The following SLC4A4 variants were observed in gnomAD, a reference collection of about 807,000 sequenced individuals.
SLC4A4 encodes electrogenic sodium bicarbonate cotransporter 1.
Under a neutral mutation model 111.5 loss-of-function variants are expected in SLC4A4, and 27 were observed. The ratio of observed to expected loss-of-function variants is 0.24; its 90% CI spans 0.18 to 0.33. The LOEUF is 0.33. SLC4A4 is among the 10% of genes least tolerant of loss of function. SLC4A4 has a pLI of 1.00. For missense variants in SLC4A4, 909 were observed against 1,315.5 expected (o/e 0.69, Z 4.78); for synonymous variants, 443 against 463.4 (o/e 0.96, Z 0.57).
chr4:71,450,465 T>C lies in SLC4A4; in HGVS notation c.1130T>C (p.Val377Ala). 1 of 1,613,506 alleles carries C rather than the reference T, an allele frequency of 6.2e-7. No individual in the cohort carries two copies. The highest frequency in any genetic ancestry group is 8.5e-7 in the Non-Finnish European group (1 of 1,179,522). Residue 377 changes from valine to alanine, a missense_variant, in exon 10 of 26, where the codon GTC becomes GCC. Physicochemically the swap from Val to Ala is moderately conservative, Grantham distance 64 (BLOSUM62 0). Coordinates refer to ENST00000264485, the MANE Select transcript of SLC4A4 (RefSeq NM_001098484.3). The part of the protein sequence containing the change: ...IAGIDEFLDE[V>A]IVLPPGEWDP... Reference sequence around the variant, plus strand: ...GGTATTGATGAGTTCCTAGATGAAGTCATCGTCCTTCCACCTGGGGAATGG... The same window carrying C: ...GGTATTGATGAGTTCCTAGATGAAGCCATCGTCCTTCCACCTGGGGAATGG...
intron 2 of SLC4A4, among the ~76,000 whole-genome samples, chr4:71,178,782 G>C (rs4317171): frequency 0.082 from 12,550 of 152,186 alleles, 866 homozygotes; most frequent in Admixed American, 0.23. Flanking sequence ...GGTACAAGGA[G>C]GAGCTGGTAC....
At chr4:71,311,888 TGTGAGAGAGAGAGA>T (rs1250104813) in intron 3 of SLC4A4, among the ~76,000 whole-genome samples, 460 of 31,564 alleles carry the variant, frequency 0.015, 5 homozygotes, top group African/African-American at 0.027. Flanking sequence ...TGTGCAAGGC[TGTGAGAGAGAGAGA>T]GAGAGAGAGA....
rs75009924 is a variant in SLC4A4, at chr4:71,268,220, C to T, written c.253+12821C>T. 1.3e-3 allele frequency among the ~76,000 whole-genome samples: 194 copies of T among 151,550 alleles called. 1 individual carries two copies. In the East Asian group the frequency reaches 0.034, roughly 26 times the overall value. ...TACTCCACTGGCAGCCAAGATAATC[C>T]CTTAAGGATACCAATTCTACAATTT... On this transcript the variant is annotated intron_variant, in intron 3 of 25. Transcript: ENST00000264485.
At chr4:71,214,996 T>C (rs1718339552) in intron 1 of SLC4A4, among the ~76,000 whole-genome samples, 1 of 152,280 alleles carries the variant, frequency 6.6e-6, no homozygotes, top group Non-Finnish European at 1.5e-5. Flanking sequence ...TAGGACTTTT[T>C]GTCTGAATTA....
chr4:71,437,889 C>T (rs190745560), intron 7 of SLC4A4: 2 of 175,302 alleles, frequency 1.1e-5, no homozygotes, highest in East Asian at 1.7e-4. Context: ...CACCTATTCT[C>T]TTGCTGGTGG....
intron 2 of SLC4A4, among the ~76,000 whole-genome samples, chr4:71,238,331 C>T (rs1404338391): frequency 5.9e-5 from 9 of 152,072 alleles, no homozygotes; most frequent in Non-Finnish European, 1.0e-4. Flanking sequence ...CTAAAAAGTG[C>T]GTTTCCTGAA....
At chr4:71,223,819 A>C (rs531251813) in intron 1 of SLC4A4, among the ~76,000 whole-genome samples, 2 of 151,848 alleles carry the variant, frequency 1.3e-5, no homozygotes, top group Non-Finnish European at 2.9e-5. Context: ...CCCAGATCCC[A>C]TTCCCACAGA....
intron 3 of SLC4A4, among the ~76,000 whole-genome samples, chr4:71,326,622 A>G (rs1259766488): frequency 6.6e-6 from 1 of 152,024 alleles, no homozygotes; most frequent in Non-Finnish European, 1.5e-5. Context: ...AGCATTTGTA[A>G]AGTGCCTTAT....
intron 6 of SLC4A4, among the ~76,000 whole-genome samples, chr4:71,385,739 C>T (rs1043333480): frequency 1.3e-5 from 2 of 152,090 alleles, no homozygotes; most frequent in East Asian, 1.9e-4. Flanking sequence ...CTTTCAATAT[C>T]TCAAGGATAC....
At chr4:71,396,117 A>G (rs1014133628) in intron 6 of SLC4A4, among the ~76,000 whole-genome samples, 4 of 152,216 alleles carry the variant, frequency 2.6e-5, no homozygotes, top group Non-Finnish European at 5.9e-5. Flanking sequence ...CAAAGAAGAA[A>G]ATGTGCCCTT....
intron 2 of SLC4A4, among the ~76,000 whole-genome samples, chr4:71,165,648 A>G (rs1471771895): frequency 6.6e-6 from 1 of 152,216 alleles, no homozygotes; most frequent in East Asian, 1.9e-4. Flanking sequence ...GCACATGTAT[A>G]GCTATGTAAC....
At chr4:71,341,459 T>A (rs1041159347) in intron 4 of SLC4A4, among the ~76,000 whole-genome samples, 1 of 152,128 alleles carries the variant, frequency 6.6e-6, no homozygotes, top group African/African-American at 2.4e-5. Context: ...AAAATATTTT[T>A]AAAAATCGCT....
chr4:71,126,585 T>C (rs1193819110), intron 2 of SLC4A4, among the ~76,000 whole-genome samples: 1 of 152,228 alleles, frequency 6.6e-6, no homozygotes, highest in Non-Finnish European at 1.5e-5. Context: ...AGGTTTGTGA[T>C]AAATTATGAA....
At chr4:71,122,099 G>A (rs549468096) in intron 2 of SLC4A4, among the ~76,000 whole-genome samples, 98 of 152,036 alleles carry the variant, frequency 6.4e-4, no homozygotes, top group African/African-American at 2.2e-3. Context: ...AACAAACTCC[G>A]GACACACCAT....
intron 2 of SLC4A4, among the ~76,000 whole-genome samples, chr4:71,175,619 C>T (rs576089103): frequency 1.1e-3 from 162 of 152,304 alleles, no homozygotes; most frequent in African/African-American, 3.2e-3. Flanking sequence ...AAGGTGGCAG[C>T]GAGGCTGGGG....
At chr4:71,115,407 C>CAAACA (rs995423715) in intron 2 of SLC4A4, among the ~76,000 whole-genome samples, 5 of 151,680 alleles carry the variant, frequency 3.3e-5, no homozygotes, top group East Asian at 1.9e-4. Flanking sequence ...CAAAAAAGAG[C>CAAACA]AAACAAAACA....
At chr4:71,175,915 G>C (rs893413699) in intron 2 of SLC4A4, among the ~76,000 whole-genome samples, 1 of 152,152 alleles carries the variant, frequency 6.6e-6, no homozygotes, top group Non-Finnish European at 1.5e-5. Flanking sequence ...AACCTAACTG[G>C]GAGGCACCCC....
chr4:71,199,036 TTC>T (rs1250604903), intron 1 of SLC4A4, among the ~76,000 whole-genome samples: 1 of 152,194 alleles, frequency 6.6e-6, no homozygotes, highest in Non-Finnish European at 1.5e-5. Context: ...TGGGTGGTTA[TTC>T]TCTCTTTACT....
At chr4:71,507,165 A>G (rs1347719968) in intron 16 of SLC4A4, among the ~76,000 whole-genome samples, 1 of 152,174 alleles carries the variant, frequency 6.6e-6, no homozygotes, top group Non-Finnish European at 1.5e-5. Context: ...GACCAGTGAC[A>G]CCATAAGGCG....
Sources: gnomAD v4.1 joint callset for allele counts (sites outside exome capture counted in the v4.1 genomes callset) on GRCh38, gnomAD v4.1.1 for gene constraint, MANE v1.5 for transcripts, NCBI Gene and HGNC (gene_info 2026-07-23, HGNC 2026-07-21) for gene names.